The following CHRM5 variants were observed in gnomAD, a reference collection of about 807,000 sequenced individuals.
CHRM5 encodes cholinergic receptor muscarinic 5.
In CHRM5, 18 loss-of-function variants were observed where a neutral mutation model predicts 39.0. The observed-to-expected ratio is 0.46, with a 90% CI of 0.32 to 0.68. The LOEUF (loss-of-function observed/expected upper bound fraction) is 0.68, where lower values mean the gene tolerates loss of function less well. Among genes scored for constraint, CHRM5 ranks in the 30% least tolerant of loss-of-function variants. CHRM5 has a pLI of 0.04. For synonymous variants in CHRM5, 241 were observed against 246.3 expected, an observed-to-expected ratio of 0.98 and a Z score of 0.20; for missense variants, 515 against 651.1, an observed-to-expected ratio of 0.79 and a Z score of 2.28.
chr15:33,977,950 A>T (rs922961484), intron 1 of CHRM5, among the ~76,000 whole-genome samples: 1 of 151,762 alleles, frequency 6.6e-6, no homozygotes, highest in Non-Finnish European at 1.5e-5. Flanking sequence ...GAGAAAAAAG[A>T]AAAGAAAAGA....
intron 2 of CHRM5, among the ~76,000 whole-genome samples, chr15:34,062,047 T>TC (rs538509614): frequency 3.5e-4 from 54 of 152,252 alleles, no homozygotes; most frequent in Admixed American, 7.8e-4. Context: ...TTCTCAACAA[T>TC]CCATTTTTTT....
At chr15:34,014,821 C>T (rs568786626) in intron 1 of CHRM5, among the ~76,000 whole-genome samples, 1 of 152,294 alleles carries the variant, frequency 6.6e-6, no homozygotes, top group African/African-American at 2.4e-5. Flanking sequence ...CCTCTCAAAA[C>T]TAACTGGCCA....
intron 1 of CHRM5, among the ~76,000 whole-genome samples, chr15:34,000,637 C>T (rs1326458687): frequency 6.6e-6 from 1 of 152,226 alleles, no homozygotes; most frequent in Non-Finnish European, 1.5e-5. Context: ...CTAGAAAACA[C>T]TGCATACTCT....
At chr15:33,977,813 G>A (rs1318173413) in intron 1 of CHRM5, among the ~76,000 whole-genome samples, 3 of 152,022 alleles carry the variant, frequency 2.0e-5, no homozygotes, top group Non-Finnish European at 4.4e-5. Flanking sequence ...TAGTTCACCC[G>A]TGTAATTCTA....
chr15:34,034,354 T>C (rs988000552), intron 1 of CHRM5, among the ~76,000 whole-genome samples: 3 of 150,980 alleles, frequency 2.0e-5, no homozygotes, highest in Non-Finnish European at 4.4e-5. Context: ...GATGGGAGGA[T>C]CCCTTGAGTA....
intron 2 of CHRM5, among the ~76,000 whole-genome samples, chr15:34,054,692 G>A (rs1376316067): frequency 1.3e-5 from 2 of 152,128 alleles, no homozygotes; most frequent in Non-Finnish European, 2.9e-5. Context: ...GGGGGTGAGG[G>A]TAGGAGGAGG....
intron 1 of CHRM5, among the ~76,000 whole-genome samples, chr15:33,995,522 T>G (rs1274212454): frequency 3.3e-5 from 5 of 152,294 alleles, no homozygotes; most frequent in Admixed American, 3.3e-4. Context: ...AAACCATCCC[T>G]CTTGGATACC....
chr15:34,009,349 A>G (rs1426818946), intron 1 of CHRM5, among the ~76,000 whole-genome samples: 2 of 152,224 alleles, frequency 1.3e-5, no homozygotes, highest in Non-Finnish European at 2.9e-5. Context: ...ACCAGTAATT[A>G]TGTAACTATA....
At chr15:33,997,132 T>C (rs1256809547) in intron 1 of CHRM5, among the ~76,000 whole-genome samples, 1 of 152,112 alleles carries the variant, frequency 6.6e-6, no homozygotes, top group Non-Finnish European at 1.5e-5. Flanking sequence ...ATCTTTAACC[T>C]TGGGAGAAAG....
At chr15:33,970,358 G>A (rs527651106) in intron 1 of CHRM5, among the ~76,000 whole-genome samples, 1 of 151,966 alleles carries the variant, frequency 6.6e-6, no homozygotes, top group East Asian at 1.9e-4. Context: ...AAACTTACCT[G>A]TCATTTTCCA....
intron 1 of CHRM5, among the ~76,000 whole-genome samples, chr15:33,973,310 T>A (rs973379176): frequency 6.6e-6 from 1 of 152,222 alleles, no homozygotes; most frequent in African/African-American, 2.4e-5. Flanking sequence ...ATTTATAGAA[T>A]TTTTTGGTAC....
At chr15:34,029,517 CAAAAAAAAAAAA>C (rs66519745) in intron 1 of CHRM5, among the ~76,000 whole-genome samples, 28 of 118,694 alleles carry the variant, frequency 2.4e-4, no homozygotes, top group Non-Finnish European at 3.8e-4. Flanking sequence ...CCTATTTCTA[CAAAAAAAAAAAA>C]AAAAAAAAAA....
chr15:34,018,170 G>GGT (rs1355699306), intron 1 of CHRM5: 1 of 152,178 alleles, frequency 6.6e-6, no homozygotes, highest in East Asian at 1.9e-4. Flanking sequence ...CCAAAAGAAG[G>GGT]CATTGTTACA....
intron 1 of CHRM5, among the ~76,000 whole-genome samples, chr15:34,008,682 G>T (rs1897485220): frequency 6.6e-6 from 1 of 151,644 alleles, no homozygotes; most frequent in Admixed American, 6.6e-5. Context: ...TAGAGACAGG[G>T]TTTCACCGTG....
chr15:33,970,694 G>A (rs535473174), intron 1 of CHRM5, among the ~76,000 whole-genome samples: 3 of 151,954 alleles, frequency 2.0e-5, no homozygotes, highest in African/African-American at 7.2e-5. Context: ...TTGGACAAAA[G>A]TATGAAATTT....
intron 1 of CHRM5, among the ~76,000 whole-genome samples, chr15:34,015,748 T>TC (rs1012380024): frequency 2.0e-5 from 3 of 151,984 alleles, no homozygotes; most frequent in Non-Finnish European, 2.9e-5. Flanking sequence ...CAATGACACG[T>TC]CTCACACGGA....
At chr15:33,997,315 C>A (rs1896975275) in intron 1 of CHRM5, among the ~76,000 whole-genome samples, 1 of 151,852 alleles carries the variant, frequency 6.6e-6, no homozygotes, top group Non-Finnish European at 1.5e-5. Flanking sequence ...TTTTTTTTAA[C>A]CCACAAATCA....
intron 2 of CHRM5, among the ~76,000 whole-genome samples, chr15:34,047,897 G>A (rs1390581822): frequency 6.6e-6 from 1 of 152,068 alleles, no homozygotes. Context: ...CAGGATGAGG[G>A]GCTCTCCACA....
intron 2 of CHRM5, among the ~76,000 whole-genome samples, chr15:34,055,399 G>T (rs1389453647): frequency 6.6e-6 from 1 of 152,090 alleles, no homozygotes; most frequent in Non-Finnish European, 1.5e-5. Flanking sequence ...CAGCTACTCA[G>T]GAGGCTGAGG....
Sources: gnomAD v4.1 joint callset for allele counts (sites outside exome capture counted in the v4.1 genomes callset) on GRCh38, gnomAD v4.1.1 for gene constraint, MANE v1.5 for transcripts, NCBI Gene and HGNC (gene_info 2026-07-23, HGNC 2026-07-21) for gene names.